AHI1: variants seen among roughly 807,000 people sequenced by gnomAD.
AHI1 encodes the protein jouberin.
A neutral mutation model predicts 149.3 loss-of-function variants in AHI1; 123 were observed. The observed-to-expected ratio is 0.82, with a 90% confidence interval of 0.71 to 0.96. The LOEUF (loss-of-function observed/expected upper bound fraction) is 0.96, where lower values mean the gene tolerates loss of function less well. Among genes scored for constraint, AHI1 ranks in the 40% least tolerant of loss-of-function variants. The pLI, the probability that AHI1 is intolerant of heterozygous loss-of-function variation, is 0.00. For synonymous variants in AHI1, 475 were observed against 459.8 expected (o/e 1.03, Z -0.42); for missense variants, 1,439 against 1,422.7 (o/e 1.01, Z -0.18).
At chr6:135,429,529 T>C (rs926758847) in intron 18 of AHI1, among the ~76,000 whole-genome samples, 1 of 151,762 alleles carries the variant, frequency 6.6e-6, no homozygotes, top group Non-Finnish European at 1.5e-5. Context: ...ATCATAGTGA[T>C]AATATCAGTA....
At chr6:135,412,339 C>T (rs1241745834) in intron 20 of AHI1, among the ~76,000 whole-genome samples, 1 of 152,142 alleles carries the variant, frequency 6.6e-6, no homozygotes, top group East Asian at 1.9e-4. Flanking sequence ...CTTTAGCATC[C>T]ATAGATTTTT....
At chr6:135,291,028 G>C (rs1379715983) in intron 27 of AHI1, among the ~76,000 whole-genome samples, 1 of 151,974 alleles carries the variant, frequency 6.6e-6, no homozygotes, top group Non-Finnish European at 1.5e-5. Flanking sequence ...TCTGTGGAAT[G>C]AACAATGTAG....
At chr6:135,302,334 G>A in intron 26 of AHI1, 2 of 985,696 alleles carry the variant, frequency 2.0e-6, no homozygotes, top group Non-Finnish European at 2.4e-6. Flanking sequence ...GGGGAGAGAA[G>A]TCATACTGAA....
intron 26 of AHI1, among the ~76,000 whole-genome samples, chr6:135,307,941 A>T (rs1258747765): frequency 6.6e-6 from 1 of 152,166 alleles, no homozygotes; most frequent in African/African-American, 2.4e-5. Context: ...CATATTCCCA[A>T]CAACAAAGAA....
chr6:135,300,079 C>A (rs932134408), intron 27 of AHI1, among the ~76,000 whole-genome samples: 2 of 152,050 alleles, frequency 1.3e-5, no homozygotes, highest in African/African-American at 4.8e-5. Context: ...AATTCCAGTA[C>A]TTTGGGAGGC....
At position 135,474,278 on chromosome 6, in the gene AHI1, G is replaced by A. The variant is rs531031836; in HGVS notation, c.136-6644C>T. Among the ~76,000 whole-genome samples the A allele has an allele frequency of 3.3e-5, 5 of 152,236 alleles. No homozygotes were observed. In the South Asian group the frequency reaches 1.0e-3, roughly 32 times the overall value. On this transcript the variant is annotated intron_variant, in intron 5 of 28. Coordinates refer to ENST00000265602, the MANE Select transcript of AHI1 (RefSeq NM_001134831.2). ...ATTAACATAGACGATTATGTCATTT[G>A]TGAATACACAGTTTACTTCTTCCTT...
At chr6:135,302,269 C>CATT in intron 26 of AHI1, 2 of 985,478 alleles carry the variant, frequency 2.0e-6, no homozygotes, top group Non-Finnish European at 2.4e-6. Flanking sequence ...AAAAACTCAA[C>CATT]ATTAAGGGCT....
intron 10 of AHI1, among the ~76,000 whole-genome samples, chr6:135,455,138 T>C (rs1000653514): frequency 8.5e-5 from 13 of 152,084 alleles, no homozygotes; most frequent in African/African-American, 3.1e-4. Flanking sequence ...AAAATTCGAG[T>C]AACTTTGGGG....
intron 24 of AHI1, among the ~76,000 whole-genome samples, chr6:135,327,131 A>G (rs1184432708): frequency 6.6e-6 from 1 of 152,208 alleles, no homozygotes; most frequent in Non-Finnish European, 1.5e-5. Context: ...CACTGAGAAA[A>G]TAAATTTCTG....
chr6:135,354,527 T>C (rs1384138784), intron 24 of AHI1, among the ~76,000 whole-genome samples: 4 of 152,178 alleles, frequency 2.6e-5, no homozygotes, highest in Non-Finnish European at 5.9e-5. Flanking sequence ...CTAGTTGCCA[T>C]TTCCCTTTGA....
chr6:135,386,835 T>C (rs1777670568), intron 23 of AHI1, among the ~76,000 whole-genome samples: 1 of 152,046 alleles, frequency 6.6e-6, no homozygotes, highest in Non-Finnish European at 1.5e-5. Context: ...TTCATCATGT[T>C]GGCCAGGCTG....
chr6:135,320,313 A>C (rs73559917), intron 25 of AHI1, among the ~76,000 whole-genome samples: 3,594 of 152,288 alleles, frequency 0.024, 73 homozygotes, highest in African/African-American at 0.044. Flanking sequence ...GGGATACAAT[A>C]AGGAATTATG....
At chr6:135,451,842 CT>C (rs796268276) in intron 11 of AHI1, among the ~76,000 whole-genome samples, 6,298 of 142,506 alleles carry the variant, frequency 0.044, 375 homozygotes, top group African/African-American at 0.14. Context: ...GAGTTTTTTG[CT>C]TTTTTTTTTT....
chr6:135,375,808 T>C (rs1775827988), intron 23 of AHI1, among the ~76,000 whole-genome samples: 2 of 152,220 alleles, frequency 1.3e-5, no homozygotes, highest in African/African-American at 4.8e-5. Context: ...TCCCAGATTT[T>C]AGTTTCTAAA....
At chr6:135,469,570 C>A (rs188337954) in intron 5 of AHI1, among the ~76,000 whole-genome samples, 61 of 152,184 alleles carry the variant, frequency 4.0e-4, no homozygotes, top group Admixed American at 1.1e-3. Flanking sequence ...TACCTGACTT[C>A]GAACTATACT....
At chr6:135,407,560 G>A (rs1780964989) in intron 21 of AHI1, among the ~76,000 whole-genome samples, 1 of 151,980 alleles carries the variant, frequency 6.6e-6, no homozygotes, top group Non-Finnish European at 1.5e-5. Context: ...ATTTCCAAAG[G>A]CAGCTTCTAT....
chr6:135,432,970 T>TTACCAGATAACTATTA, intron 16 of AHI1, 57 bp downstream of exon 16: 1 of 1,314,982 alleles, frequency 7.6e-7, no homozygotes, highest in Non-Finnish European at 1.1e-6. Context: ...ATAACTATTA[T>TTACCAGATAACTATTA]TCTGGTAAAA....
At chr6:135,322,992 A>G (rs978494379) in intron 25 of AHI1, among the ~76,000 whole-genome samples, 170 bp downstream of exon 25, 3 of 152,246 alleles carry the variant, frequency 2.0e-5, no homozygotes, top group African/African-American at 7.2e-5. Context: ...CTTCTAATGT[A>G]CTAGTGCCTC....
chr6:135,460,107 T>C (rs1451800941), intron 8 of AHI1, among the ~76,000 whole-genome samples: 2 of 152,052 alleles, frequency 1.3e-5, no homozygotes, highest in Non-Finnish European at 2.9e-5. Context: ...CGCTTGAACC[T>C]GGGAAGTATA....
Sources: allele counts gnomAD v4.1 joint callset (sites outside exome capture counted in the v4.1 genomes callset), GRCh38; gene constraint gnomAD v4.1.1; transcripts MANE v1.5; gene names NCBI Gene and HGNC (gene_info 2026-07-23, HGNC 2026-07-21).